The following GSN variants were observed in gnomAD, a reference collection of about 807,000 sequenced individuals.
The protein encoded by GSN is actin-depolymerizing factor.
GSN carries 56 observed loss-of-function variants against 85.7 expected under a neutral mutation model. The ratio of observed to expected loss-of-function variants is 0.65; its 90% CI spans 0.53 to 0.82. GSN has a LOEUF of 0.82. GSN is among the 40% of genes least tolerant of loss of function. The pLI, the probability that GSN is intolerant of heterozygous loss-of-function variation, is 0.00. For synonymous variants in GSN, 373 were observed against 399.1 expected (o/e 0.93, Z 0.78); for missense variants, 857 against 979.8 (o/e 0.87, Z 1.67).
chr9:121,232,777 G>A lies in GSN; in HGVS notation c.-389+1474G>A, dbSNP rs142741811. Among the ~76,000 whole-genome samples the A allele has an allele frequency of 2.0e-3, 302 of 152,282 alleles. 1 individual carries two copies. The highest frequency in any genetic ancestry group is 6.7e-3 in the African/African-American group (279 of 41,548). On this transcript the variant is annotated intron_variant, in intron 5 of 24. Transcript: ENST00000373823. ...GCAACAGTTAGGTCTCAGGCAGGCC[G>A]GAAACCAAAACTCCATGGATCATAG...
intron 11 of GSN, among the ~76,000 whole-genome samples, chr9:121,323,167 A>G (rs1407025732): frequency 6.6e-6 from 1 of 152,098 alleles, no homozygotes; most frequent in Non-Finnish European, 1.5e-5. Flanking sequence ...TTGAAATAAT[A>G]TTAGACACTT....
chr9:121,275,315 T>C (rs921948100), intron 1 of GSN, among the ~76,000 whole-genome samples: 6 of 152,226 alleles, frequency 3.9e-5, no homozygotes, highest in African/African-American at 1.4e-4. Context: ...TTCTCAGCTA[T>C]ACAGTTAGGG....
intron 5 of GSN, among the ~76,000 whole-genome samples, chr9:121,241,605 T>C (rs1034768726): frequency 2.0e-5 from 3 of 152,222 alleles, no homozygotes; most frequent in Non-Finnish European, 2.9e-5. Flanking sequence ...GAGAAAGTAT[T>C]TGGAAGTGTC....
intron 1 of GSN, among the ~76,000 whole-genome samples, chr9:121,279,486 G>A (rs899282464): frequency 3.3e-5 from 5 of 152,066 alleles, no homozygotes; most frequent in African/African-American, 4.8e-5. Flanking sequence ...TGGGGAGAAG[G>A]GGGGACACTC....
Position 121,332,368 on chromosome 9 carries a change from C to T in GSN, c.2027-66C>T, listed in dbSNP as rs1554827938. ...TTTGTCAACTCCTGTCCTGAGTCAC[C>T]CTCTCCCTGGTGTGGGAGGCACTAA... On this transcript the variant is annotated intron_variant, in intron 17 of 17. Transcript: ENST00000432226. The surrounding 1 kb of genome is among the most constrained non-coding windows in gnomAD (Gnocchi z 4.8). The T allele has an allele frequency of 2.8e-5, 39 of 1,383,012 alleles. 2 individuals carry two copies. The South Asian group carries it at 3.9e-4, about 14-fold the overall frequency. The allele number at this position is 1,383,012 out of a possible 1,614,324, so 85.7% of individuals were successfully genotyped here. A position where few individuals can be genotyped will look rare whatever the true frequency, so the allele number is the denominator to read the frequency against.
chr9:121,229,296 C>T (rs1457819964), intron 4 of GSN, among the ~76,000 whole-genome samples: 1 of 152,222 alleles, frequency 6.6e-6, no homozygotes, highest in Non-Finnish European at 1.5e-5. Context: ...TCTCAGCTCA[C>T]TGCAACCTCC....
intron 7 of GSN, among the ~76,000 whole-genome samples, chr9:121,316,856 T>C (rs2061767215): frequency 6.6e-6 from 1 of 152,168 alleles, no homozygotes; most frequent in Non-Finnish European, 1.5e-5. Context: ...CCAAATTTTA[T>C]CCCGCCCTCC....
chr9:121,227,791 TA>T (rs2054299181), intron 4 of GSN, among the ~76,000 whole-genome samples: 1 of 152,070 alleles, frequency 6.6e-6, no homozygotes, highest in Non-Finnish European at 1.5e-5. Context: ...TTTCTATATT[TA>T]ATACCTGGGG....
intron 2 of GSN, among the ~76,000 whole-genome samples, chr9:121,290,787 TA>T (rs773334794): frequency 1.7e-4 from 26 of 152,352 alleles, no homozygotes; most frequent in Non-Finnish European, 2.9e-4. Flanking sequence ...ACTTATTCCC[TA>T]TAGTCCTCAT....
At chr9:121,331,277 G>A in intron 16 of GSN, 111 bp from the exon 17 acceptor site, 1 of 728,198 alleles carries the variant, frequency 1.4e-6, no homozygotes, top group Non-Finnish European at 2.5e-6. Flanking sequence ...GGCTCTGTTA[G>A]AAAGGGGAGG....
intron 4 of GSN, among the ~76,000 whole-genome samples, chr9:121,304,964 G>A (rs2060251750): frequency 6.6e-6 from 1 of 152,222 alleles, no homozygotes. Flanking sequence ...ATCCCAGGGA[G>A]TGCTCAGCTC....
intron 4 of GSN, among the ~76,000 whole-genome samples, chr9:121,215,228 C>A (rs1202722272): frequency 8.2e-6 from 1 of 122,044 alleles, no homozygotes; most frequent in African/African-American, 2.9e-5. Flanking sequence ...CCCCCCCCCA[C>A]ACTCATATAT....
chr9:121,260,843 G>C (rs2055068055), intron 6 of GSN, among the ~76,000 whole-genome samples: 1 of 152,166 alleles, frequency 6.6e-6, no homozygotes, highest in African/African-American at 2.4e-5. Flanking sequence ...AAACAGAAGT[G>C]CAAAAGAACA....
Position 121,299,875 on chromosome 9 carries a change from GC to G in GSN, c.-9-2084del, listed in dbSNP as rs775064692. ...GCTGTCGCCACCATGGCTCCGCACC[GC>G]CCCGCGCCCGCGCTGCTTTGCGCGC... is the stretch of plus-strand genomic sequence containing the variant. On this transcript the variant is annotated intron_variant, in intron 2 of 17. Coordinates refer to ENST00000432226, the MANE Select transcript of GSN (RefSeq NM_198252.3). This position sits in a 1 kb window ranked among gnomAD's most constrained non-coding sequence, Gnocchi z 4.2. The G allele has an allele frequency of 2.8e-5, 37 of 1,326,016 alleles. No homozygotes were observed. The highest frequency in any genetic ancestry group is 3.8e-5 in the South Asian group (2 of 53,154). The allele number at this position is 1,326,016 out of a possible 1,614,324, so 82.1% of individuals were successfully genotyped here. A position where few individuals can be genotyped will look rare whatever the true frequency, so the allele number is the denominator to read the frequency against.
intron 4 of GSN, among the ~76,000 whole-genome samples, chr9:121,305,096 T>C (rs1367688152): frequency 6.6e-6 from 1 of 152,246 alleles, no homozygotes; most frequent in Non-Finnish European, 1.5e-5. Context: ...AGTTCTCATA[T>C]ACACAGAAAG....
rs3747850 is a variant in GSN, at chr9:121,302,650, G to T, written c.197-261G>T. 0.38 allele frequency among the ~76,000 whole-genome samples: 57,369 copies of T among 151,992 alleles called. 13,520 individuals are homozygous for T. Among genetic ancestry groups the T allele is most frequent in the East Asian group, 0.62 (3,186 of 5,144 alleles). On this transcript the variant is annotated intron_variant, in intron 3 of 17. Transcript: ENST00000432226. Reference sequence around the variant, plus strand: ...TTCCTAATCTGTGAATTGATCTGATGCTCCCAGTCCTGAGTTTACGCTCAG... The same window carrying T: ...TTCCTAATCTGTGAATTGATCTGATTCTCCCAGTCCTGAGTTTACGCTCAG...
chr9:121,228,493 G>C (rs1358047378), intron 4 of GSN, among the ~76,000 whole-genome samples: 1 of 136,672 alleles, frequency 7.3e-6, no homozygotes, highest in Non-Finnish European at 1.5e-5. Context: ...GAGTGCAGTG[G>C]TGTGATCTTG....
chr9:121,260,539 G>A (rs951203125), intron 6 of GSN, among the ~76,000 whole-genome samples: 1 of 152,224 alleles, frequency 6.6e-6, no homozygotes, highest in Non-Finnish European at 1.5e-5. Context: ...TTCTCCCTGG[G>A]ACAGGAAACC....
intron 4 of GSN, among the ~76,000 whole-genome samples, chr9:121,213,731 A>G (rs1309287873): frequency 6.6e-6 from 1 of 152,188 alleles, no homozygotes; most frequent in African/African-American, 2.4e-5. Context: ...ATCAGCCCTT[A>G]GAGCCCCCAC....
Sources: gnomAD v4.1 joint callset for allele counts (sites outside exome capture counted in the v4.1 genomes callset) on GRCh38, gnomAD v4.1.1 for gene constraint, Gnocchi (gnomAD v3.1) non-coding constraint, MANE v1.5 for transcripts, NCBI Gene and HGNC (gene_info 2026-07-23, HGNC 2026-07-21) for gene names.